The following CLINT1 variants were observed in gnomAD, a reference collection of about 807,000 sequenced individuals.
CLINT1 encodes the protein clathrin interactor 1.
Under a neutral mutation model 70.4 loss-of-function variants are expected in CLINT1, and 15 were observed. The ratio of observed to expected loss-of-function variants is 0.21; its 90% CI spans 0.14 to 0.33. The LOEUF (loss-of-function observed/expected upper bound fraction) is 0.33, where lower values mean the gene tolerates loss of function less well. Among genes scored for constraint, CLINT1 ranks in the 10% least tolerant of loss-of-function variants. The probability of loss-of-function intolerance (pLI) is 1.00; values close to 1 mark genes in which losing one functional copy is unlikely to be tolerated. For missense variants in CLINT1, 615 were observed against 778.1 expected (o/e 0.79, Z 2.49); for synonymous variants, 227 against 254.7 (o/e 0.89, Z 1.04).
chr5:157,799,617 T>C (rs554205803), intron 8 of CLINT1, among the ~76,000 whole-genome samples: 1 of 152,226 alleles, frequency 6.6e-6, no homozygotes, highest in East Asian at 1.9e-4. Flanking sequence ...GGACTTCTTT[T>C]TAAAGAGGTG....
chr5:157,809,797 A>G lies in CLINT1; in HGVS notation c.526T>C (p.Tyr176His). The change falls in exon 6 of 12, where the codon TAT becomes CAT. Residue 176 changes from tyrosine (Y) to histidine (H), a missense_variant. Coordinates refer to ENST00000411809, the MANE Select transcript of CLINT1 (RefSeq NM_014666.4). The stretch of plus-strand genomic sequence containing the variant: ...CATTTTGATTTGGGCTCAGGATCAT[A>G]TCTTTCACCTAGATAGAGCATTAAA... The part of the protein sequence containing the change: ...SVGGFRYSER[Y>H]DPEPKSKWDE... The G allele has an allele frequency of 6.2e-7, 1 of 1,612,510 alleles. No homozygotes were observed. The highest frequency in any genetic ancestry group is 8.5e-7 in the Non-Finnish European group (1 of 1,179,234).
intron 1 of CLINT1, among the ~76,000 whole-genome samples, chr5:157,825,610 G>A (rs570100359): frequency 6.6e-6 from 1 of 152,216 alleles, no homozygotes; most frequent in African/African-American, 2.4e-5. Context: ...CTGCCTGTTC[G>A]TATGAGATTA....
chr5:157,790,566 A>G (rs979088958), intron 10 of CLINT1: 24 of 438,930 alleles, frequency 5.5e-5, no homozygotes, highest in Non-Finnish European at 9.0e-5. Context: ...TAACTCATAC[A>G]TTAGGTCTTA....
At position 157,786,490 on chromosome 5, in the gene CLINT1, T is replaced by G. The variant is rs927061064; in HGVS notation, c.*1156A>C. On this transcript the variant is annotated 3_prime_UTR_variant, in exon 12 of 12. Coordinates refer to ENST00000411809, the MANE Select transcript of CLINT1 (RefSeq NM_014666.4). ...TTTTGCATTCCAAACTCTAGAATCA[T>G]GATTTTCATGTGAGCTTAATGCAGA... The G allele has an allele frequency of 1.3e-5, 2 of 152,578 alleles. No homozygotes were observed. The highest frequency in any genetic ancestry group is 2.9e-5 in the Non-Finnish European group (2 of 68,010). 9.5% of individuals were successfully genotyped at this position (152,578 alleles called of 1,614,324 possible). A position where few individuals can be genotyped will look rare whatever the true frequency, so the allele number is the denominator to read the frequency against.
intron 1 of CLINT1, among the ~76,000 whole-genome samples, chr5:157,840,559 G>A (rs575595952): frequency 6.6e-6 from 1 of 150,944 alleles, no homozygotes; most frequent in South Asian, 2.1e-4. Flanking sequence ...TCAAATGGAT[G>A]AGGGAAGTAA....
At chr5:157,788,970 A>G (rs1035353823) in intron 11 of CLINT1, among the ~76,000 whole-genome samples, 36 of 33,174 alleles carry the variant, frequency 1.1e-3, no homozygotes, top group Middle Eastern at 0.027. Context: ...CCATCTCAGA[A>G]AAAAAAAAAA....
chr5:157,794,257 C>G (rs952178740), intron 9 of CLINT1, among the ~76,000 whole-genome samples: 2 of 151,786 alleles, frequency 1.3e-5, no homozygotes, highest in Non-Finnish European at 2.9e-5. Flanking sequence ...TAAACAGCTA[C>G]CATATGGCAG....
chr5:157,832,648 T>G (rs997004204), intron 1 of CLINT1, among the ~76,000 whole-genome samples: 1 of 152,232 alleles, frequency 6.6e-6, no homozygotes, highest in Admixed American at 6.5e-5. Context: ...GTGTTGGCCA[T>G]GTTAGTGCAC....
At chr5:157,833,211 C>T (rs1185596255) in intron 1 of CLINT1, among the ~76,000 whole-genome samples, 3 of 151,990 alleles carry the variant, frequency 2.0e-5, no homozygotes, top group Admixed American at 6.6e-5. Flanking sequence ...ATTAGCCCGG[C>T]GTGGTGGCAC....
Position 157,805,929 on chromosome 5 carries a change from G to GT in CLINT1, c.878dup (p.Tyr293Ter). Residue 293 changes from tyrosine (Y) to a stop codon, truncating the protein, a stop_gained and frameshift_variant, in exon 7 of 12, where the codon TAC (tyrosine) becomes TAAC (stop). Coordinates refer to ENST00000411809, the MANE Select transcript of CLINT1 (RefSeq NM_014666.4). LOFTEE classifies it high-confidence loss of function. ...KTIDLGAAAH[Y>*]TGDKASPDQN... The stretch of plus-strand genomic sequence containing the variant: ...GATCTGGACTTGCTTTGTCCCCTGT[G>GT]TAATGTGCTGCTGCTCCAAGATCAA... 1 of 1,613,986 alleles carries GT rather than the reference G, an allele frequency of 6.2e-7. No homozygotes were observed. Among genetic ancestry groups the GT allele is most frequent in the Non-Finnish European group, 8.5e-7 (1 of 1,179,880 alleles).
chr5:157,809,214 A>G lies in CLINT1; in HGVS notation c.695+414T>C, dbSNP rs138965906. The G allele has an allele frequency of 3.9e-3, 599 of 153,788 alleles. 5 individuals are homozygous for G. The highest frequency in any genetic ancestry group is 0.019 in the South Asian group (93 of 4,868). The allele number at this position is 153,788 out of a possible 1,614,324, so 9.5% of individuals were successfully genotyped here. ...CTTGTTCCACATTTCTGCACAGGGC[A>G]TATTTATGGCAGTGAAACTATTCTA... On this transcript the variant is annotated intron_variant, in intron 6 of 11. Transcript: ENST00000411809.
In CLINT1 at chr5:157,817,516, C is replaced by G. The variant is rs1762757957; in HGVS notation, c.73G>C (p.Glu25Gln). Reference protein sequence around the residue: ...TNVVMNYSEIESKVREATNDD... With the variant: ...TNVVMNYSEIQSKVREATNDD... ...TTCGTTGCCTCTCGAACCTTAGACT[C>G]GATCTCTGAATAATTCATAACAACA... Residue 25 changes from glutamate (E) to glutamine (Q), a missense_variant, in exon 2 of 12, where the codon GAG (glutamate) becomes CAG (glutamine). Physicochemically the swap from Glu to Gln is conservative, Grantham distance 29 (BLOSUM62 2). Transcript: ENST00000411809. The G allele has an allele frequency of 6.2e-7, 1 of 1,603,942 alleles. No homozygotes were observed. Among genetic ancestry groups the G allele is most frequent in the Non-Finnish European group, 8.5e-7 (1 of 1,174,860 alleles).
chr5:157,816,755 C>A lies in CLINT1; in HGVS notation c.222G>T (p.Lys74Asn), dbSNP rs1199604308. 3.7e-6 allele frequency: 6 copies of A among 1,609,490 alleles called. No individual in the cohort carries two copies. In the East Asian group the frequency reaches 6.7e-5, roughly 18 times the overall value. ...ATACCTTATAAACTCTTCTCCAATTCTTTTTGTTGTCTTTTAACATTCGTG... is the reference window on the plus strand; with the variant it reads ...ATACCTTATAAACTCTTCTCCAATTATTTTTGTTGTCTTTTAACATTCGTG... Reference protein sequence around the residue: ...LWSRMLKDNKKNWRRVYKSLL... With the variant: ...LWSRMLKDNKNNWRRVYKSLL... The change falls in exon 3 of 12, where the codon AAG becomes AAT. Residue 74 changes from lysine (K) to asparagine (N), a missense_variant. Around this residue, in one of 2 missense-constraint regions of CLINT1, gnomAD observed 241 missense variants for 368.6 expected, o/e 0.65. Transcript: ENST00000411809.
intron 1 of CLINT1, among the ~76,000 whole-genome samples, chr5:157,832,702 G>C (rs1192263030): frequency 6.6e-6 from 1 of 152,142 alleles, no homozygotes; most frequent in African/African-American, 2.4e-5. Flanking sequence ...TCCTCCTACT[G>C]TATCAGTGGA....
Position 157,814,170 on chromosome 5 carries a change from T to C in CLINT1, c.352+15A>G, listed in dbSNP as rs1408135997. On this transcript the variant is annotated intron_variant, in intron 4 of 11. Transcript: ENST00000411809. ...TACTGTTTTAATTTGCTTATAAGGT[T>C]TTTCTATTGCTTACCTACAAAGTGG... 1 of 1,547,500 alleles carries C rather than the reference T, an allele frequency of 6.5e-7. No individual in the cohort carries two copies. The highest frequency in any genetic ancestry group is 2.3e-5 in the East Asian group (1 of 44,308).
chr5:157,852,687 C>T (rs904964359), intron 1 of CLINT1, among the ~76,000 whole-genome samples: 2 of 152,180 alleles, frequency 1.3e-5, no homozygotes, highest in Admixed American at 1.3e-4. Context: ...CATAAGATCA[C>T]CGTTTCTAGT....
At chr5:157,797,361 A>G (rs436964) in intron 8 of CLINT1, among the ~76,000 whole-genome samples, 84,578 of 151,982 alleles carry the variant, frequency 0.56, 23,978 homozygotes, top group East Asian at 0.79. Context: ...TATAGCAAAC[A>G]AGTTAGGAGT....
rs115407263 is a variant in CLINT1, at chr5:157,834,747, C to A, written c.42-17200G>T. On this transcript the variant is annotated intron_variant, in intron 1 of 11. Transcript: ENST00000411809. The stretch of plus-strand genomic sequence containing the variant: ...ATGAAGCCTTCCTGTTCTTTCCAAC[C>A]CATAATTTCCCCCTTCCTTTGATCA... 6.2e-3 allele frequency among the ~76,000 whole-genome samples: 943 copies of A among 152,204 alleles called. 13 individuals carry two copies. Among genetic ancestry groups the A allele is most frequent in the African/African-American group, 0.021 (889 of 41,528 alleles).
intron 1 of CLINT1, among the ~76,000 whole-genome samples, chr5:157,848,471 G>T (rs1227968089): frequency 6.6e-6 from 1 of 151,738 alleles, no homozygotes; most frequent in Non-Finnish European, 1.5e-5. Context: ...CAACTTAGCT[G>T]ATAAAGCAGT....
Sources: gnomAD v4.1 joint callset for allele counts (sites outside exome capture counted in the v4.1 genomes callset) on GRCh38, gnomAD v4.1.1 for gene constraint, gnomAD v4.1.1 regional missense constraint, MANE v1.5 for transcripts, NCBI Gene and HGNC (gene_info 2026-07-23, HGNC 2026-07-21) for gene names.